The following MROH9 variants were observed in gnomAD, a reference collection of about 807,000 sequenced individuals.
MROH9 encodes maestro heat like repeat family member 9.
Under a neutral mutation model 98.2 loss-of-function variants are expected in MROH9, and 92 were observed. The ratio of observed to expected loss-of-function variants is 0.94; its 90% CI spans 0.79 to 1.11. MROH9 has a LOEUF of 1.11. Ranked by LOEUF, MROH9 falls within the 50% of genes most tolerant of loss-of-function variation. The pLI, the probability that MROH9 is intolerant of heterozygous loss-of-function variation, is 0.00. For missense variants in MROH9, 1,057 were observed against 1,014.8 expected, an observed-to-expected ratio of 1.04 and a Z score of -0.57; for synonymous variants, 397 against 368.9, an observed-to-expected ratio of 1.08 and a Z score of -0.87.
At position 170,986,671 on chromosome 1, in the gene MROH9, G is replaced by A. The variant is rs1651145502; in HGVS notation, c.840G>A (p.Leu280=). 3.7e-6 allele frequency: 6 copies of A among 1,613,822 alleles called. No individual in the cohort carries two copies. The highest frequency in any genetic ancestry group is 5.1e-6 in the Non-Finnish European group (6 of 1,179,876). Residue 280 remains leucine, a synonymous_variant, in exon 10 of 22, where the codon CTG becomes CTA. Coordinates refer to ENST00000367759, the MANE Select transcript of MROH9 (RefSeq NM_001163629.2). ...TCGCATCTGATGCAGCATCCATACT[G>A]ATATTTACTCTGGAATTTCATGCCG... ...DKIASDAASI[L]IFTLEFHAEK... is the part of the protein sequence containing the mutation.
chr1:170,949,059 T>G (rs900349772), intron 3 of MROH9, among the ~76,000 whole-genome samples: 6 of 152,030 alleles, frequency 3.9e-5, no homozygotes, highest in East Asian at 1.9e-4. Flanking sequence ...CTCAGCTACT[T>G]CTGCAGGGCA....
Position 170,959,601 on chromosome 1 carries a change from A to C in MROH9, c.288+4A>C. On this transcript the variant is annotated splice_donor_region_variant and intron_variant, in intron 5 of 21. Transcript: ENST00000367759. Reference sequence around the variant, plus strand: ...TGAGTACATTGAGGACATGGAGGTAAAATTTTTCTTCCTTTAATCATTATA... The same window carrying C: ...TGAGTACATTGAGGACATGGAGGTACAATTTTTCTTCCTTTAATCATTATA... The C allele has an allele frequency of 6.2e-7, 1 of 1,610,528 alleles. No individual in the cohort carries two copies. The highest frequency in any genetic ancestry group is 1.3e-5 in the African/African-American group (1 of 74,856).
chr1:170,982,171 A>C (rs865912031), intron 8 of MROH9, among the ~76,000 whole-genome samples: 1 of 152,220 alleles, frequency 6.6e-6, no homozygotes, highest in Non-Finnish European at 1.5e-5. Flanking sequence ...TATTTGTAAT[A>C]GCCTCAAACC....
chr1:171,020,499 C>G (rs746255523), intron 17 of MROH9, among the ~76,000 whole-genome samples: 1 of 152,164 alleles, frequency 6.6e-6, no homozygotes, highest in East Asian at 1.9e-4. Flanking sequence ...ATAAACAGAA[C>G]CAATGACAAA....
intron 15 of MROH9, among the ~76,000 whole-genome samples, chr1:170,998,989 A>G (rs1255847422): frequency 6.6e-6 from 1 of 152,148 alleles, no homozygotes; most frequent in African/African-American, 2.4e-5. Flanking sequence ...AAGTATACAT[A>G]AATTAATTTA....
At chr1:171,016,481 G>A in intron 17 of MROH9, 145 bp downstream of exon 17, 2 of 558,054 alleles carry the variant, frequency 3.6e-6, no homozygotes, top group Admixed American at 8.6e-5. Context: ...TATTAGGTAA[G>A]TACTGGTCTT....
chr1:170,999,391 A>G (rs1402361287), intron 15 of MROH9, among the ~76,000 whole-genome samples: 1 of 152,226 alleles, frequency 6.6e-6, no homozygotes, highest in South Asian at 2.1e-4. Context: ...CTTAGCTCTC[A>G]CATATCACAG....
chr1:170,960,420 G>GA (rs1180709099), intron 5 of MROH9, among the ~76,000 whole-genome samples: 1 of 151,924 alleles, frequency 6.6e-6, no homozygotes, highest in Non-Finnish European at 1.5e-5. Context: ...TAGAAAGAAA[G>GA]AAAAAAATGT....
chr1:171,061,006 T>C (rs1368863020), intron 20 of MROH9, among the ~76,000 whole-genome samples: 1 of 152,170 alleles, frequency 6.6e-6, no homozygotes, highest in East Asian at 1.9e-4. Flanking sequence ...CTTAGAACTT[T>C]AAAACGTCTA....
intron 11 of MROH9, among the ~76,000 whole-genome samples, chr1:170,990,288 C>T (rs1571482115): frequency 6.6e-6 from 1 of 152,178 alleles, no homozygotes; most frequent in Non-Finnish European, 1.5e-5. Flanking sequence ...TTGCACATCC[C>T]AGAGGAACAA....
intron 16 of MROH9, among the ~76,000 whole-genome samples, chr1:171,015,728 T>A (rs1487062711): frequency 6.6e-6 from 1 of 152,130 alleles, no homozygotes; most frequent in Non-Finnish European, 1.5e-5. Context: ...GCCAGGTGTC[T>A]GAAAATAAGG....
chr1:171,043,180 G>T (rs779823066), intron 20 of MROH9, among the ~76,000 whole-genome samples: 6 of 152,036 alleles, frequency 3.9e-5, no homozygotes, highest in Admixed American at 1.3e-4. Context: ...AAGAGATGGG[G>T]GTCTAGATTC....
intron 14 of MROH9, among the ~76,000 whole-genome samples, chr1:170,997,211 G>A (rs553250828): frequency 1.3e-5 from 2 of 152,188 alleles, no homozygotes; most frequent in Non-Finnish European, 2.9e-5. Flanking sequence ...ACTTCAAGTT[G>A]TGACTGATCC....
At chr1:171,037,546 C>T (rs1370151722) in intron 20 of MROH9, among the ~76,000 whole-genome samples, 1 of 151,512 alleles carries the variant, frequency 6.6e-6, no homozygotes, top group Admixed American at 6.6e-5. Context: ...CTAAATGAAT[C>T]TATGCATGGA....
At chr1:171,006,499 T>C (rs572877817) in intron 15 of MROH9, among the ~76,000 whole-genome samples, 6 of 152,138 alleles carry the variant, frequency 3.9e-5, no homozygotes, top group African/African-American at 1.4e-4. Flanking sequence ...CACCTCTTTC[T>C]GCCCTCTCTC....
chr1:170,960,001 T>A (rs527461621), intron 5 of MROH9, among the ~76,000 whole-genome samples: 1 of 152,304 alleles, frequency 6.6e-6, no homozygotes, highest in African/African-American at 2.4e-5. Context: ...AGAGAAGAAA[T>A]TCATGGCATA....
intron 17 of MROH9, among the ~76,000 whole-genome samples, chr1:171,019,488 C>T (rs779175105): frequency 1.4e-4 from 21 of 151,944 alleles, no homozygotes; most frequent in Non-Finnish European, 2.8e-4. Context: ...CCCATCTCTA[C>T]TAAAAATACA....
At chr1:171,024,301 G>A (rs535081778) in intron 17 of MROH9, 94 bp from the exon 18 acceptor site, 1 of 718,552 alleles carries the variant, frequency 1.4e-6, no homozygotes, top group South Asian at 1.9e-5. Context: ...ATATTTATAT[G>A]GGGTGTGTGT....
Position 170,983,521 on chromosome 1 carries a change from G to T in MROH9, c.716G>T (p.Ser239Ile), listed in dbSNP as rs988218807. Residue 239 changes from serine to isoleucine, a missense_variant, in exon 9 of 22, where the codon AGT (serine) becomes ATT (isoleucine). Coordinates refer to ENST00000367759, the MANE Select transcript of MROH9 (RefSeq NM_001163629.2). ...FLPKEFQQDE[S>I]KIAQRVGQTL... ...CCCAAGGAGTTTCAACAAGACGAAA[G>T]TAAAATAGCTCAGGTAACTTAGCCC... The T allele has an allele frequency of 9.3e-6, 15 of 1,605,602 alleles. No homozygotes were observed. Among genetic ancestry groups the T allele is most frequent in the Non-Finnish European group, 1.3e-5 (15 of 1,172,760 alleles).
Sources: allele counts gnomAD v4.1 joint callset (sites outside exome capture counted in the v4.1 genomes callset), GRCh38; gene constraint gnomAD v4.1.1; transcripts MANE v1.5; gene names NCBI Gene and HGNC (gene_info 2026-07-23, HGNC 2026-07-21).